Variants in ARHGAP20 observed in about 807,000 individuals in gnomAD.
ARHGAP20 encodes the protein Rho GTPase activating protein 20, also known as rho GTPase-activating protein 20.
Under a neutral mutation model 73.7 loss-of-function variants are expected in ARHGAP20, and 34 were observed. That is an observed-to-expected ratio of 0.46 (90% CI 0.35 to 0.61). ARHGAP20 has a LOEUF of 0.61. Ranked by LOEUF, ARHGAP20 falls within the 20% of genes least tolerant of loss-of-function variation. The pLI is 0.00. For missense variants in ARHGAP20, 1,314 were observed against 1,420.9 expected, an observed-to-expected ratio of 0.92 and a Z score of 1.21; for synonymous variants, 523 against 518.2, an observed-to-expected ratio of 1.01 and a Z score of -0.13.
chr11:110,615,616 G>C lies in ARHGAP20; in HGVS notation c.504-22C>G, dbSNP rs200437435. The C allele has an allele frequency of 3.5e-4, 561 of 1,607,970 alleles. 3 individuals carry two copies. The African/African-American group carries it at 6.9e-3, about 20-fold the overall frequency. ...AGAACTGCAATCAAAGAAAATGGGA[G>C]AGAAAAATTAAACCACATAAAATAC... On this transcript the variant is annotated intron_variant, in intron 4 of 14. Transcript: ENST00000683387.
chr11:110,690,442 A>G, intron 2 of ARHGAP20, 105 bp downstream of exon 2: 1 of 1,141,378 alleles, frequency 8.8e-7, no homozygotes, highest in South Asian at 1.4e-5. Flanking sequence ...GGTGCTGATA[A>G]CAAACAACCT....
intron 3 of ARHGAP20, among the ~76,000 whole-genome samples, chr11:110,628,928 A>G (rs1052210822): frequency 1.3e-5 from 2 of 152,204 alleles, no homozygotes; most frequent in Admixed American, 1.3e-4. Context: ...CAAAACATAG[A>G]TTCCATAAAA....
chr11:110,589,034 T>C, intron 11 of ARHGAP20, among the ~76,000 whole-genome samples: 1 of 151,766 alleles, frequency 6.6e-6, no homozygotes, highest in Non-Finnish European at 1.5e-5. Context: ...ATCGTGCCAC[T>C]GCACTCCAGC....
chr11:110,661,764 G>A (rs1401990807), intron 2 of ARHGAP20, among the ~76,000 whole-genome samples: 1 of 152,006 alleles, frequency 6.6e-6, no homozygotes, highest in Non-Finnish European at 1.5e-5. Context: ...GTGAGGCTGT[G>A]GTAAAAACAG....
intron 14 of ARHGAP20, 145 bp downstream of exon 14, chr11:110,582,176 C>G (rs1947490510): frequency 1.4e-6 from 1 of 690,498 alleles, no homozygotes; most frequent in East Asian, 2.6e-5. Context: ...AAGGAAGGAT[C>G]AAAAAGCCCT....
At chr11:110,583,263 C>T (rs1159617631) in intron 13 of ARHGAP20, among the ~76,000 whole-genome samples, 1 of 152,086 alleles carries the variant, frequency 6.6e-6, no homozygotes, top group Non-Finnish European at 1.5e-5. Flanking sequence ...TGTCCTAGTT[C>T]CAAAGTCCTT....
chr11:110,601,327 TA>T (rs1233095713), intron 9 of ARHGAP20, among the ~76,000 whole-genome samples: 1 of 152,204 alleles, frequency 6.6e-6, no homozygotes, highest in African/African-American at 2.4e-5. Context: ...TTTTCCCCAT[TA>T]AAAGTCAGGT....
intron 4 of ARHGAP20, among the ~76,000 whole-genome samples, chr11:110,616,958 C>A (rs1356493822): frequency 7.2e-5 from 11 of 151,994 alleles, no homozygotes; most frequent in African/African-American, 2.7e-4. Flanking sequence ...GAAAACTGCA[C>A]AAAGCTTACA....
chr11:110,676,536 C>A (rs1452983194), intron 2 of ARHGAP20, among the ~76,000 whole-genome samples: 1 of 152,128 alleles, frequency 6.6e-6, no homozygotes, highest in African/African-American at 2.4e-5. Context: ...ATGGTAACCA[C>A]CCCCATGATT....
intron 1 of ARHGAP20, among the ~76,000 whole-genome samples, chr11:110,701,147 T>A (rs1304554700): frequency 1.3e-5 from 2 of 151,764 alleles, no homozygotes; most frequent in East Asian, 1.9e-4. Context: ...TAGTTCTAGA[T>A]CCCTGAGGAA....
chr11:110,615,899 G>A (rs1948472716), intron 4 of ARHGAP20, among the ~76,000 whole-genome samples: 1 of 152,116 alleles, frequency 6.6e-6, no homozygotes, highest in South Asian at 2.1e-4. Flanking sequence ...AGTTCCTATA[G>A]TGGAAAGAGT....
intron 2 of ARHGAP20, among the ~76,000 whole-genome samples, chr11:110,685,031 G>A (rs1353570558): frequency 2.0e-5 from 3 of 151,926 alleles, no homozygotes; most frequent in Admixed American, 6.6e-5. Context: ...TAACACATAC[G>A]CACATGTACC....
At chr11:110,698,546 T>A (rs1950381689) in intron 1 of ARHGAP20, among the ~76,000 whole-genome samples, 1 of 151,866 alleles carries the variant, frequency 6.6e-6, no homozygotes, top group Non-Finnish European at 1.5e-5. Flanking sequence ...TGTCTGGTCC[T>A]GGGCTTTTGT....
chr11:110,649,176 ATTGT>A (rs1228842878), intron 2 of ARHGAP20, among the ~76,000 whole-genome samples: 3 of 115,948 alleles, frequency 2.6e-5, no homozygotes, highest in Non-Finnish European at 5.8e-5. Flanking sequence ...TATACTTACT[ATTGT>A]TTGTTTTCCA....
At chr11:110,585,528 T>TG (rs1444663135) in intron 12 of ARHGAP20, among the ~76,000 whole-genome samples, 3 of 152,136 alleles carry the variant, frequency 2.0e-5, no homozygotes, top group Non-Finnish European at 4.4e-5. Flanking sequence ...TGCAAGTAAA[T>TG]AATATTGAGA....
intron 9 of ARHGAP20, among the ~76,000 whole-genome samples, chr11:110,593,646 T>C (rs1248837365): frequency 6.6e-6 from 1 of 152,104 alleles, no homozygotes; most frequent in Admixed American, 6.5e-5. Context: ...CTTGAAGAAC[T>C]AGAGAAGGGA....
At chr11:110,594,103 T>C (rs1474581821) in intron 9 of ARHGAP20, among the ~76,000 whole-genome samples, 1 of 152,270 alleles carries the variant, frequency 6.6e-6, no homozygotes, top group African/African-American at 2.4e-5. Flanking sequence ...CTTAGCATTT[T>C]ATTTCCTTAG....
chr11:110,635,139 C>A (rs1421595563), intron 2 of ARHGAP20, among the ~76,000 whole-genome samples: 1 of 152,026 alleles, frequency 6.6e-6, no homozygotes, highest in East Asian at 1.9e-4. Context: ...AGTGTCTGAT[C>A]TCCCCTGGGT....
chr11:110,707,827 C>T (rs1355504515), intron 1 of ARHGAP20, among the ~76,000 whole-genome samples: 1 of 151,614 alleles, frequency 6.6e-6, no homozygotes, highest in Non-Finnish European at 1.5e-5. Context: ...ATGTTTGTTC[C>T]TTTAATAACA....
Sources: gnomAD v4.1 joint callset for allele counts (sites outside exome capture counted in the v4.1 genomes callset) on GRCh38, gnomAD v4.1.1 for gene constraint, MANE v1.5 for transcripts, NCBI Gene and HGNC (gene_info 2026-07-23, HGNC 2026-07-21) for gene names.